Variants in IL1RAPL1 observed in about 807,000 individuals in gnomAD.
IL1RAPL1 encodes interleukin 1 receptor accessory protein like 1, also known as interleukin-1 receptor accessory protein-like 1.
A neutral mutation model predicts 48.4 loss-of-function variants in IL1RAPL1; 3 were observed. The ratio of observed to expected loss-of-function variants is 0.06; its 90% CI spans 0.03 to 0.16. The LOEUF (loss-of-function observed/expected upper bound fraction) is 0.16. Ranked by LOEUF, IL1RAPL1 falls within the 10% of genes least tolerant of loss-of-function variation. The probability of loss-of-function intolerance (pLI) is 1.00; values close to 1 mark genes in which losing one functional copy is unlikely to be tolerated. For synonymous variants in IL1RAPL1, 185 were observed against 187.7 expected (o/e 0.99, Z 0.12); for missense variants, 349 against 530.6 (o/e 0.66, Z 3.36).
At chrX:28,993,756 CTG>C in intron 2 of IL1RAPL1, among the ~76,000 whole-genome samples, 1 of 112,208 alleles carries the variant, frequency 8.9e-6, no homozygotes, top group East Asian at 2.8e-4. Context: ...GCCATATTGT[CTG>C]TAAATAAATT....
chrX:29,334,793 T>G (rs1338369489), intron 3 of IL1RAPL1, among the ~76,000 whole-genome samples: 10 of 111,274 alleles, frequency 9.0e-5, no homozygotes, highest in African/African-American at 3.3e-4. Context: ...CTTTCCAGAC[T>G]GTGCAGCCAG....
intron 2 of IL1RAPL1, among the ~76,000 whole-genome samples, chrX:29,137,110 G>GCTTACTGCTTACCTTGGCCTCAGCTAC (rs72527992): frequency 9.2e-6 from 1 of 108,261 alleles, no homozygotes; most frequent in Admixed American, 1.0e-4. Flanking sequence ...ATTTTAGACG[G>GCTTACTGCTTACCTTGGCCTCAGCTAC]CTTACTGCTT....
chrX:28,808,733 C>G (rs192258950), intron 2 of IL1RAPL1, among the ~76,000 whole-genome samples: 5 of 110,195 alleles, frequency 4.5e-5, no homozygotes, highest in Non-Finnish European at 7.6e-5. Flanking sequence ...AAATATGAAG[C>G]CTTTTAAATT....
At chrX:29,116,619 C>T (rs1366143308) in intron 2 of IL1RAPL1, among the ~76,000 whole-genome samples, 1 of 111,480 alleles carries the variant, frequency 9.0e-6, no homozygotes, top group Non-Finnish European at 1.9e-5. Flanking sequence ...TGGCATATAC[C>T]AATGATACAC....
At chrX:29,634,112 A>T (rs1200134318) in intron 5 of IL1RAPL1, among the ~76,000 whole-genome samples, 1 of 112,078 alleles carries the variant, frequency 8.9e-6, no homozygotes, top group Non-Finnish European at 1.9e-5. Context: ...AAAGATCGTG[A>T]GTCGATATTA....
At chrX:29,793,884 G>A (rs1010996162) in intron 6 of IL1RAPL1, among the ~76,000 whole-genome samples, 2 of 112,006 alleles carry the variant, frequency 1.8e-5, no homozygotes, top group African/African-American at 6.5e-5. Context: ...TGCATATAAT[G>A]TGCAGCTATT....
intron 1 of IL1RAPL1, among the ~76,000 whole-genome samples, chrX:28,758,459 G>A (rs1231156381): frequency 9.9e-5 from 11 of 111,634 alleles, no homozygotes; most frequent in Non-Finnish European, 1.9e-4. Context: ...GTAAATTAGA[G>A]GTGGAGAAAA....
chrX:29,876,770 TA>T (rs1423861016), intron 6 of IL1RAPL1, among the ~76,000 whole-genome samples: 1 of 111,740 alleles, frequency 8.9e-6, no homozygotes, highest in Non-Finnish European at 1.9e-5. Context: ...CAGAAAAAAT[TA>T]AGCTTATATC....
At chrX:29,118,456 C>T (rs2147475110) in intron 2 of IL1RAPL1, among the ~76,000 whole-genome samples, 1 of 111,649 alleles carries the variant, frequency 9.0e-6, no homozygotes, top group Non-Finnish European at 1.9e-5. Context: ...CATGCTCACT[C>T]TATTGTGTAC....
intron 2 of IL1RAPL1, among the ~76,000 whole-genome samples, chrX:29,157,817 CTAGTG>C (rs751298575): frequency 9.0e-6 from 1 of 111,517 alleles, no homozygotes; most frequent in Non-Finnish European, 1.9e-5. Flanking sequence ...AGCTCAGTGA[CTAGTG>C]TAGTAAATGC....
chrX:29,323,746 T>TAAA (rs1932823740), intron 3 of IL1RAPL1, among the ~76,000 whole-genome samples: 1 of 30,417 alleles, frequency 3.3e-5, no homozygotes, highest in African/African-American at 2.0e-4. Context: ...TATATATATA[T>TAAA]ATATATATAT....
intron 2 of IL1RAPL1, among the ~76,000 whole-genome samples, chrX:28,832,466 A>G (rs1301710630): frequency 9.0e-6 from 1 of 111,444 alleles, no homozygotes. Context: ...ATAATTATTC[A>G]TTTCGTCCTG....
At chrX:28,765,711 A>G (rs1164379024) in intron 1 of IL1RAPL1, among the ~76,000 whole-genome samples, 1 of 112,204 alleles carries the variant, frequency 8.9e-6, no homozygotes, top group African/African-American at 3.2e-5. Context: ...ACTTAAAAAG[A>G]TAAAGTATTG....
intron 2 of IL1RAPL1, among the ~76,000 whole-genome samples, chrX:28,812,319 C>T (rs1304563147): frequency 9.1e-6 from 1 of 110,021 alleles, no homozygotes; most frequent in Non-Finnish European, 1.9e-5. Context: ...ATTGATTTGC[C>T]AAAGAATCAC....
intron 2 of IL1RAPL1, among the ~76,000 whole-genome samples, chrX:29,278,762 GAAGT>G (rs970214070): frequency 1.8e-5 from 2 of 112,599 alleles, no homozygotes; most frequent in African/African-American, 6.4e-5. Context: ...CTTGTGTGCT[GAAGT>G]AAGAAAAAAC....
intron 2 of IL1RAPL1, among the ~76,000 whole-genome samples, chrX:29,141,948 G>A (rs899166504): frequency 1.1e-5 from 1 of 94,169 alleles, no homozygotes; most frequent in Non-Finnish European, 2.0e-5. Context: ...AGTGAAGGGA[G>A]AATATTGTAG....
chrX:29,263,043 T>C (rs1258694021), intron 2 of IL1RAPL1, among the ~76,000 whole-genome samples: 7 of 111,947 alleles, frequency 6.3e-5, no homozygotes, highest in Non-Finnish European at 1.1e-4. Context: ...TTCTACCAGA[T>C]GCTCGAAAGC....
intron 2 of IL1RAPL1, among the ~76,000 whole-genome samples, chrX:29,279,006 G>A (rs753457193): frequency 1.4e-3 from 158 of 112,403 alleles, no homozygotes; most frequent in African/African-American, 4.5e-3. Context: ...AATATAGAAG[G>A]TGTGAGAGAG....
intron 2 of IL1RAPL1, among the ~76,000 whole-genome samples, chrX:28,907,520 G>C (rs752495657): frequency 2.7e-5 from 3 of 112,850 alleles, no homozygotes; most frequent in African/African-American, 9.6e-5. Context: ...CTCCCAAAGT[G>C]CTGGGATTAC....
Sources: allele counts gnomAD v4.1 joint callset (sites outside exome capture counted in the v4.1 genomes callset), GRCh38; gene constraint gnomAD v4.1.1; transcripts MANE v1.5; gene names NCBI Gene and HGNC (gene_info 2026-07-23, HGNC 2026-07-21).